Variants in FRMD4B observed in about 807,000 individuals in gnomAD.
The protein encoded by FRMD4B is FERM domain containing 4B.
FRMD4B carries 74 observed loss-of-function variants against 141.5 expected under a neutral mutation model. That is an observed-to-expected ratio of 0.52 (90% CI 0.43 to 0.63). The LOEUF is 0.63. Ranked by LOEUF, FRMD4B falls within the 30% of genes least tolerant of loss-of-function variation. The probability of loss-of-function intolerance (pLI) is 0.00; values close to 1 mark genes in which losing one functional copy is unlikely to be tolerated. For synonymous variants in FRMD4B, 506 were observed against 467.9 expected (o/e 1.08, Z -1.05); for missense variants, 1,366 against 1,253.4 (o/e 1.09, Z -1.36).
chr3:69,237,071 A>G (rs2093349755), intron 7 of FRMD4B, among the ~76,000 whole-genome samples: 1 of 152,328 alleles, frequency 6.6e-6, no homozygotes. Context: ...GAGAGAAACA[A>G]GACCCACTGA....
At chr3:69,332,043 C>T (rs747012545) in intron 1 of FRMD4B, among the ~76,000 whole-genome samples, 5 of 152,132 alleles carry the variant, frequency 3.3e-5, no homozygotes, top group East Asian at 3.9e-4. Flanking sequence ...GCTGAGATCA[C>T]GCCACTGCAT....
chr3:69,290,656 A>G (rs1258519725), intron 4 of FRMD4B, among the ~76,000 whole-genome samples: 1 of 152,158 alleles, frequency 6.6e-6, no homozygotes, highest in Non-Finnish European at 1.5e-5. Context: ...ATCCCAGCTA[A>G]CATTTCCCTG....
intron 1 of FRMD4B, among the ~76,000 whole-genome samples, chr3:69,366,060 A>AACACACACACACACACAC (rs4063529): frequency 7.9e-6 from 1 of 127,140 alleles, no homozygotes; most frequent in African/African-American, 3.2e-5. Flanking sequence ...ACCTCTACAA[A>AACACACACACACACACAC]ACACACACAC....
At chr3:69,311,414 C>A in intron 2 of FRMD4B, 57 bp from the exon 3 acceptor site, 1 of 777,962 alleles carries the variant, frequency 1.3e-6, no homozygotes, top group Non-Finnish European at 2.3e-6. Flanking sequence ...TTACTGCTAC[C>A]ACCTTCCTCT....
intron 11 of FRMD4B, among the ~76,000 whole-genome samples, chr3:69,202,879 C>A (rs1369795458): frequency 2.0e-5 from 3 of 151,800 alleles, no homozygotes; most frequent in Non-Finnish European, 4.4e-5. Context: ...AAAAGAGGAG[C>A]AGCATAAATA....
chr3:69,341,816 T>C (rs1429524147), intron 1 of FRMD4B, among the ~76,000 whole-genome samples: 1 of 152,230 alleles, frequency 6.6e-6, no homozygotes, highest in Non-Finnish European at 1.5e-5. Context: ...CATGAGAGGA[T>C]ATAGCAAGAT....
chr3:69,263,452 C>T (rs1005122489), intron 5 of FRMD4B, among the ~76,000 whole-genome samples: 2 of 142,070 alleles, frequency 1.4e-5, no homozygotes, highest in African/African-American at 5.3e-5. Context: ...GCTCTGTCAC[C>T]CAGGAGTGCA....
At chr3:69,402,957 G>T (rs1212385757) in intron 2 of FRMD4B, among the ~76,000 whole-genome samples, 1 of 152,172 alleles carries the variant, frequency 6.6e-6, no homozygotes, top group Admixed American at 6.5e-5. Context: ...CTGTATTATG[G>T]TATTAATCAT....
chr3:69,209,435 G>A (rs1575611604), intron 11 of FRMD4B, among the ~76,000 whole-genome samples: 1 of 152,148 alleles, frequency 6.6e-6, no homozygotes, highest in East Asian at 1.9e-4. Flanking sequence ...GTGTGGAGGG[G>A]AAAATAACCC....
At chr3:69,402,219 C>T (rs1011784427) in intron 2 of FRMD4B, among the ~76,000 whole-genome samples, 1 of 152,164 alleles carries the variant, frequency 6.6e-6, no homozygotes, top group Admixed American at 6.5e-5. Flanking sequence ...CAGCTTTGCC[C>T]ATTAAGACCA....
intron 1 of FRMD4B, among the ~76,000 whole-genome samples, chr3:69,478,724 C>T (rs1276534464): frequency 1.2e-4 from 18 of 152,112 alleles, no homozygotes; most frequent in Non-Finnish European, 2.6e-4. Context: ...ATTAGGTCTG[C>T]TTGGTGCAGA....
At chr3:69,194,017 T>C in intron 16 of FRMD4B, 144 bp from the exon 17 acceptor site, 2 of 615,096 alleles carry the variant, frequency 3.3e-6, no homozygotes, top group Admixed American at 3.0e-5. Flanking sequence ...TGCATAGACA[T>C]CCTTGTCAAA....
chr3:69,512,090 T>C (rs1706698817), intron 1 of FRMD4B, among the ~76,000 whole-genome samples: 1 of 152,156 alleles, frequency 6.6e-6, no homozygotes, highest in Admixed American at 6.5e-5. Context: ...TTATGTTCTT[T>C]GCCTAGAATA....
chr3:69,502,313 A>G (rs1171622234), intron 1 of FRMD4B, among the ~76,000 whole-genome samples: 3 of 152,280 alleles, frequency 2.0e-5, no homozygotes, highest in East Asian at 3.9e-4. Flanking sequence ...AAAACAGCAT[A>G]ATAGTGGTAC....
rs183120780 is a variant in FRMD4B at position 69,213,537 on chromosome 3, A to C, written c.876+2726T>G. On this transcript the variant is annotated intron_variant, in intron 11 of 22. Coordinates refer to ENST00000398540, the MANE Select transcript of FRMD4B (RefSeq NM_015123.3). ...CTTATACTCCTCCTGGAAATTAATT[A>C]AGTATTCCTTAAATTGATCTTGGTC... is the stretch of plus-strand genomic sequence containing the variant. 6.7e-4 allele frequency among the ~76,000 whole-genome samples: 102 copies of C among 152,282 alleles called. No homozygotes were observed. In the Middle Eastern group the frequency reaches 0.014, roughly 20 times the overall value.
chr3:69,270,922 A>T (rs920408765), intron 5 of FRMD4B, among the ~76,000 whole-genome samples: 2 of 152,156 alleles, frequency 1.3e-5, no homozygotes, highest in Admixed American at 1.3e-4. Context: ...ATTTTAAAAA[A>T]CTGAAAAATA....
chr3:69,180,469 A>G (rs1440067840), intron 21 of FRMD4B, among the ~76,000 whole-genome samples: 1 of 152,138 alleles, frequency 6.6e-6, no homozygotes, highest in African/African-American at 2.4e-5. Context: ...TATTCTTTTA[A>G]AATATCAAGC....
chr3:69,242,331 C>G (rs565104083), intron 7 of FRMD4B, among the ~76,000 whole-genome samples: 1 of 152,116 alleles, frequency 6.6e-6, no homozygotes, highest in Admixed American at 6.5e-5. Flanking sequence ...GGTAAAGACT[C>G]TGGAAATGAA....
chr3:69,373,864 C>A (rs1559835988), intron 1 of FRMD4B, among the ~76,000 whole-genome samples: 1 of 152,142 alleles, frequency 6.6e-6, no homozygotes, highest in Non-Finnish European at 1.5e-5. Context: ...CAAAATAAGA[C>A]CCTGTCTCAA....
Sources: gnomAD v4.1 joint callset for allele counts (sites outside exome capture counted in the v4.1 genomes callset) on GRCh38, gnomAD v4.1.1 for gene constraint, MANE v1.5 for transcripts, NCBI Gene and HGNC (gene_info 2026-07-23, HGNC 2026-07-21) for gene names.